SCN10A: variants seen among roughly 807,000 people sequenced by gnomAD.
SCN10A encodes the protein sodium voltage-gated channel alpha subunit 10.
SCN10A carries 162 observed loss-of-function variants against 170.7 expected under a neutral mutation model. The observed-to-expected ratio is 0.95, with a 90% confidence interval of 0.84 to 1.08. The LOEUF (loss-of-function observed/expected upper bound fraction) is 1.08. Ranked by LOEUF, SCN10A falls within the 50% of genes least tolerant of loss-of-function variation. SCN10A has a pLI of 0.00. For synonymous variants in SCN10A, 985 were observed against 904.6 expected, an observed-to-expected ratio of 1.09 and a Z score of -1.59; for missense variants, 2,527 against 2,436.9, an observed-to-expected ratio of 1.04 and a Z score of -0.78.
At chr3:38,753,846 A>C (rs546079854) in intron 11 of SCN10A, among the ~76,000 whole-genome samples, 1 of 152,342 alleles carries the variant, frequency 6.6e-6, no homozygotes, top group Admixed American at 6.5e-5. Context: ...TTCTGAGTAT[A>C]AGCATTAGAA....
intron 13 of SCN10A, among the ~76,000 whole-genome samples, chr3:38,748,687 T>C (rs954645182): frequency 2.0e-5 from 3 of 152,198 alleles, no homozygotes; most frequent in Non-Finnish European, 4.4e-5. Context: ...CACTGGGGGC[T>C]AAGTCATCAC....
At chr3:38,811,945 G>A (rs1350181336) in intron 1 of SCN10A, among the ~76,000 whole-genome samples, 1 of 152,172 alleles carries the variant, frequency 6.6e-6, no homozygotes, top group Non-Finnish European at 1.5e-5. Flanking sequence ...GATGTCCCGA[G>A]CCCCCTGCCG....
chr3:38,705,558 G>A (rs961182702), intron 26 of SCN10A, among the ~76,000 whole-genome samples: 1 of 152,294 alleles, frequency 6.6e-6, no homozygotes, highest in East Asian at 1.9e-4. Context: ...TGCCTTTGTA[G>A]GTAGATGCCC....
At chr3:38,715,192 C>A (rs149301359) in intron 21 of SCN10A, among the ~76,000 whole-genome samples, 1 of 152,148 alleles carries the variant, frequency 6.6e-6, no homozygotes, top group South Asian at 2.1e-4. Flanking sequence ...ATGCTGAACC[C>A]TATTCAGTCT....
intron 14 of SCN10A, among the ~76,000 whole-genome samples, chr3:38,740,623 C>G (rs752176014): frequency 5.9e-5 from 9 of 152,162 alleles, no homozygotes; most frequent in Non-Finnish European, 1.2e-4. Context: ...TGGATCCACC[C>G]TCACCAGCTA....
intron 13 of SCN10A, among the ~76,000 whole-genome samples, chr3:38,748,519 C>T (rs1406105118): frequency 6.6e-6 from 1 of 152,168 alleles, no homozygotes; most frequent in African/African-American, 2.4e-5. Flanking sequence ...TTGTAGGGCT[C>T]AAACCTGGAG....
chr3:38,772,708 G>GCAA (rs1208293668), intron 4 of SCN10A, among the ~76,000 whole-genome samples: 1 of 98,662 alleles, frequency 1.0e-5, no homozygotes, highest in Non-Finnish European at 1.9e-5. Flanking sequence ...AACAACAACA[G>GCAA]CAACAACAAC....
intron 15 of SCN10A, among the ~76,000 whole-genome samples, chr3:38,731,097 T>G (rs372137132): frequency 6.6e-6 from 1 of 152,180 alleles, no homozygotes; most frequent in Non-Finnish European, 1.5e-5. Context: ...CAAAGATGGA[T>G]AGAAGATTTA....
chr3:38,743,315 C>A (rs2063654254), intron 13 of SCN10A, among the ~76,000 whole-genome samples: 1 of 152,202 alleles, frequency 6.6e-6, no homozygotes, highest in Non-Finnish European at 1.5e-5. Context: ...TTGTGCCGGG[C>A]TCTTTCCTCT....
chr3:38,795,775 G>A lies in SCN10A; in HGVS notation c.-32-1733C>T, dbSNP rs557547731. The stretch of plus-strand genomic sequence containing the variant: ...TAACAATAGTAACAACTTCAACAGC[G>A]CTAGCATTTACTGAGATTCCACTGT... On this transcript the variant is annotated intron_variant, in intron 1 of 27. Coordinates refer to ENST00000449082, the MANE Select transcript of SCN10A (RefSeq NM_006514.4). Among the ~76,000 whole-genome samples, 24 of 152,034 alleles carry A rather than the reference G, an allele frequency of 1.6e-4. No homozygotes were observed. In the East Asian group the frequency reaches 1.7e-3, roughly 11 times the overall value.
Position 38,712,173 on chromosome 3 carries a change from T to G in SCN10A, c.4077A>C (p.Ala1359=), listed in dbSNP as rs772663640. Residue 1359 remains alanine, a synonymous_variant, in exon 23 of 28, where the codon GCA becomes GCC. Coordinates refer to ENST00000449082, the MANE Select transcript of SCN10A (RefSeq NM_006514.4). ...ATGGTTGACTCACCACCTGCAGAAGTGCAAGGTAACCCATTGCAACATTAT... is the reference window on the plus strand; with the variant it reads ...ATGGTTGACTCACCACCTGCAGAAGGGCAAGGTAACCCATTGCAACATTAT... ...NFDNVAMGYL[A]LLQVATFKGW... is the part of the protein sequence containing the mutation. 6.2e-7 allele frequency: 1 copy of G among 1,614,010 alleles called. No individual in the cohort carries two copies. Among genetic ancestry groups the G allele is most frequent in the Non-Finnish European group, 8.5e-7 (1 of 1,179,836 alleles).
intron 1 of SCN10A, among the ~76,000 whole-genome samples, chr3:38,810,785 T>C (rs558039959): frequency 6.6e-6 from 1 of 152,220 alleles, no homozygotes. Context: ...GTTTGTTGAA[T>C]GTTTTCATGA....
chr3:38,760,718 A>T lies in SCN10A; in HGVS notation c.913T>A (p.Ser305Thr). The T allele has an allele frequency of 6.2e-7, 1 of 1,614,052 alleles. No homozygotes were observed. Among genetic ancestry groups the T allele is most frequent in the Non-Finnish European group, 8.5e-7 (1 of 1,179,890 alleles). Reference protein sequence around the residue: ...PDIYINKRGTSDPLLCGNGSD... With the variant: ...PDIYINKRGTTDPLLCGNGSD... The stretch of plus-strand genomic sequence containing the variant: ...CCATTGCCACACAGTAAGGGGTCAG[A>T]AGTGCCTCGCTTATTTATGTAGATA... Residue 305 changes from serine (S) to threonine (T), a missense_variant, in exon 8 of 28, where the codon TCT becomes ACT. Transcript: ENST00000449082.
rs78572037 is a variant in SCN10A at position 38,725,445 on chromosome 3, A to G, written c.3088-131T>C. The G allele has an allele frequency of 7.5e-4, 518 of 689,834 alleles. 4 individuals carry two copies. The African/African-American group carries it at 8.1e-3, about 11-fold the overall frequency. The allele number at this position is 689,834 out of a possible 1,614,324, so 42.7% of individuals were successfully genotyped here. On this transcript the variant is annotated intron_variant, in intron 17 of 27. Coordinates refer to ENST00000449082, the MANE Select transcript of SCN10A (RefSeq NM_006514.4). ...ATATATGCAACTCATGTACATACAT[A>G]TATACATACACGTGTGTGAAGTGAG...
Position 38,701,956 on chromosome 3 carries a change from A to T in SCN10A, c.4540T>A (p.Phe1514Ile), listed in dbSNP as rs776552739. 9.9e-6 allele frequency: 16 copies of T among 1,614,148 alleles called. No individual in the cohort carries two copies. Among genetic ancestry groups the T allele is most frequent in the Non-Finnish European group, 1.4e-5 (16 of 1,180,034 alleles). Reference protein sequence around the residue: ...KTKILGKINQFFVAVFTGECV... With the variant: ...KTKILGKINQIFVAVFTGECV... ...TCGCCTGTGAAGACGGCCACAAAGA[A>T]CTGGTTGATTTTGCCCAGAATTTTC... The change falls in exon 27 of 28, where the codon TTC becomes ATC. Residue 1514 changes from phenylalanine to isoleucine, a missense_variant. Physicochemically the swap from Phe to Ile is conservative, Grantham distance 21. Transcript: ENST00000449082.
chr3:38,706,159 A>G (rs553914657), intron 26 of SCN10A, among the ~76,000 whole-genome samples: 2 of 152,338 alleles, frequency 1.3e-5, no homozygotes, highest in East Asian at 1.9e-4. Flanking sequence ...ATTTCAAAAT[A>G]CAGTGTCAAA....
intron 6 of SCN10A, 97 bp from the exon 7 acceptor site, chr3:38,761,480 G>T: frequency 9.3e-7 from 1 of 1,077,942 alleles, no homozygotes; most frequent in Non-Finnish European, 1.3e-6. Flanking sequence ...TCTACATACA[G>T]GAGTGAAGTA....
At chr3:38,765,029 G>A (rs1174110512) in intron 5 of SCN10A, among the ~76,000 whole-genome samples, 1 of 151,852 alleles carries the variant, frequency 6.6e-6, no homozygotes, top group East Asian at 1.9e-4. Flanking sequence ...GCGTATTCTT[G>A]TCCTTTGCCC....
chr3:38,715,636 A>C (rs921748451), intron 21 of SCN10A, among the ~76,000 whole-genome samples: 1 of 152,126 alleles, frequency 6.6e-6, no homozygotes, highest in African/African-American at 2.4e-5. Flanking sequence ...GGTCCTGCTC[A>C]TTTCTATGCC....
Sources: gnomAD v4.1 joint callset for allele counts (sites outside exome capture counted in the v4.1 genomes callset) on GRCh38, gnomAD v4.1.1 for gene constraint, MANE v1.5 for transcripts, NCBI Gene and HGNC (gene_info 2026-07-23, HGNC 2026-07-21) for gene names.